The following TSPAN5 variants were observed in gnomAD, a reference collection of about 807,000 sequenced individuals.
TSPAN5 encodes tetraspanin-5.
In TSPAN5, 10 loss-of-function variants were observed where a neutral mutation model predicts 37.1. The ratio of observed to expected loss-of-function variants is 0.27; its 90% CI spans 0.17 to 0.46. TSPAN5 has a LOEUF of 0.46. TSPAN5 is among the 20% of genes least tolerant of loss of function. The probability of loss-of-function intolerance (pLI) is 1.00; values close to 1 mark genes in which losing one functional copy is unlikely to be tolerated. For synonymous variants in TSPAN5, 110 were observed against 118.9 expected (o/e 0.93, Z 0.48); for missense variants, 195 against 326.6 (o/e 0.60, Z 3.11).
intron 1 of TSPAN5, among the ~76,000 whole-genome samples, chr4:98,584,574 A>G (rs982724287): frequency 2.6e-5 from 4 of 152,226 alleles, no homozygotes; most frequent in African/African-American, 9.6e-5. Flanking sequence ...TCTTCTACTT[A>G]TATATGTAGA....
chr4:98,639,787 A>T (rs1756926081), intron 1 of TSPAN5, among the ~76,000 whole-genome samples: 1 of 152,234 alleles, frequency 6.6e-6, no homozygotes, highest in African/African-American at 2.4e-5. Flanking sequence ...ATGCACGAGA[A>T]ATCAAGAAAT....
chr4:98,639,444 A>G (rs1756920005), intron 1 of TSPAN5, among the ~76,000 whole-genome samples: 1 of 151,902 alleles, frequency 6.6e-6, no homozygotes, highest in South Asian at 2.1e-4. Context: ...CAGCATCCAG[A>G]GTAGCTGAGA....
At chr4:98,640,747 C>A (rs1046238908) in intron 1 of TSPAN5, among the ~76,000 whole-genome samples, 3 of 152,192 alleles carry the variant, frequency 2.0e-5, no homozygotes, top group African/African-American at 7.2e-5. Context: ...ATACAGGGTA[C>A]ACTTTTCTAA....
chr4:98,566,492 A>G (rs1755008147), intron 1 of TSPAN5, among the ~76,000 whole-genome samples: 1 of 152,240 alleles, frequency 6.6e-6, no homozygotes, highest in Non-Finnish European at 1.5e-5. Flanking sequence ...ACCAAAGGCT[A>G]GAGCCAAAAC....
chr4:98,504,437 A>G (rs1753428984), intron 2 of TSPAN5, among the ~76,000 whole-genome samples: 1 of 152,200 alleles, frequency 6.6e-6, no homozygotes, highest in South Asian at 2.1e-4. Context: ...GGAGATCAAC[A>G]CACTTCACAT....
At chr4:98,579,550 T>A (rs1755323750) in intron 1 of TSPAN5, among the ~76,000 whole-genome samples, 1 of 152,222 alleles carries the variant, frequency 6.6e-6, no homozygotes, top group South Asian at 2.1e-4. Context: ...AGTTTGACTA[T>A]TTTTTAACCA....
At chr4:98,658,030 CTG>C (rs1208094990) in intron 1 of TSPAN5, 114 bp downstream of exon 1, 1 of 898,570 alleles carries the variant, frequency 1.1e-6, no homozygotes, top group Non-Finnish European at 1.9e-6. Flanking sequence ...TGCCTCTATG[CTG>C]CTCCGGCAAG....
intron 2 of TSPAN5, among the ~76,000 whole-genome samples, chr4:98,493,880 G>GA (rs983757791): frequency 2.6e-5 from 4 of 152,032 alleles, no homozygotes; most frequent in African/African-American, 9.7e-5. Context: ...AAAGTTGAAA[G>GA]AAAAAAATAT....
rs140662959 is a variant in TSPAN5, at chr4:98,600,418, C to T, written c.81+57728G>A. Among the ~76,000 whole-genome samples, 1,078 of 152,320 alleles carry T rather than the reference C, an allele frequency of 7.1e-3. 8 individuals are homozygous for T. The highest frequency in any genetic ancestry group is 0.014 in the Middle Eastern group (4 of 294). On this transcript the variant is annotated intron_variant, in intron 1 of 7. Transcript: ENST00000305798. ...ACTCACAGTAGAACGTCTTTTGAAACTGGAGTCAATCTTCTCAAACCCTGT... is the reference window on the plus strand; with the variant it reads ...ACTCACAGTAGAACGTCTTTTGAAATTGGAGTCAATCTTCTCAAACCCTGT...
intron 1 of TSPAN5, among the ~76,000 whole-genome samples, chr4:98,554,259 TATAAG>T (rs1380168680): frequency 5.3e-5 from 8 of 152,160 alleles, no homozygotes; most frequent in African/African-American, 1.9e-4. Context: ...CTCCTCAAAA[TATAAG>T]ATATCTAGTT....
At chr4:98,619,471 CT>C (rs1213103799) in intron 1 of TSPAN5, among the ~76,000 whole-genome samples, 2 of 152,298 alleles carry the variant, frequency 1.3e-5, no homozygotes, top group South Asian at 2.1e-4. Context: ...AAGCAAATGG[CT>C]TTCCTTGCTC....
At chr4:98,512,326 C>T (rs915248686) in intron 1 of TSPAN5, among the ~76,000 whole-genome samples, 5 of 152,218 alleles carry the variant, frequency 3.3e-5, no homozygotes, top group African/African-American at 1.2e-4. Context: ...AACTATTATA[C>T]TTTCCTAATA....
chr4:98,635,007 C>G (rs1421497103), intron 1 of TSPAN5, among the ~76,000 whole-genome samples: 1 of 152,170 alleles, frequency 6.6e-6, no homozygotes, highest in Non-Finnish European at 1.5e-5. Flanking sequence ...GGCAAGAGAG[C>G]TGGACAGAAG....
intron 1 of TSPAN5, among the ~76,000 whole-genome samples, chr4:98,580,678 G>A (rs1755347182): frequency 6.6e-6 from 1 of 152,170 alleles, no homozygotes; most frequent in African/African-American, 2.4e-5. Flanking sequence ...CATAAAGAGA[G>A]TTATTTATTT....
intron 1 of TSPAN5, among the ~76,000 whole-genome samples, chr4:98,558,769 C>T (rs1754810754): frequency 6.6e-6 from 1 of 152,146 alleles, no homozygotes; most frequent in African/African-American, 2.4e-5. Context: ...TTGCTTGAAA[C>T]CCATGTGGGC....
chr4:98,614,590 T>C (rs544507408), intron 1 of TSPAN5, among the ~76,000 whole-genome samples: 1 of 152,180 alleles, frequency 6.6e-6, no homozygotes, highest in African/African-American at 2.4e-5. Flanking sequence ...CCAATAACAT[T>C]AAAAATAAGA....
intron 1 of TSPAN5, among the ~76,000 whole-genome samples, chr4:98,566,581 G>C (rs1755009608): frequency 6.6e-6 from 1 of 152,204 alleles, no homozygotes; most frequent in Non-Finnish European, 1.5e-5. Flanking sequence ...AGAAGCAGGG[G>C]GCCAGGGCTG....
At chr4:98,599,711 T>C (rs1755840805) in intron 1 of TSPAN5, among the ~76,000 whole-genome samples, 1 of 152,256 alleles carries the variant, frequency 6.6e-6, no homozygotes, top group Non-Finnish European at 1.5e-5. Context: ...TTCCTTTGAC[T>C]GCACAATTTT....
At chr4:98,556,711 A>C (rs928594487) in intron 1 of TSPAN5, among the ~76,000 whole-genome samples, 1 of 152,220 alleles carries the variant, frequency 6.6e-6, no homozygotes, top group Non-Finnish European at 1.5e-5. Flanking sequence ...GGAGAAAAAC[A>C]TGAAACTGAA....
Sources: allele counts gnomAD v4.1 joint callset (sites outside exome capture counted in the v4.1 genomes callset), GRCh38; gene constraint gnomAD v4.1.1; transcripts MANE v1.5; gene names NCBI Gene and HGNC (gene_info 2026-07-23, HGNC 2026-07-21).